The following NTM variants were observed in gnomAD, a reference collection of about 807,000 sequenced individuals.
NTM encodes neurotrimin.
NTM carries 13 observed loss-of-function variants against 42.1 expected under a neutral mutation model. The ratio of observed to expected loss-of-function variants is 0.31; its 90% CI spans 0.20 to 0.49. NTM has a LOEUF of 0.49. Ranked by LOEUF, NTM falls within the 20% of genes least tolerant of loss-of-function variation. The pLI, the probability that NTM is intolerant of heterozygous loss-of-function variation, is 0.99. For missense variants in NTM, 373 were observed against 452.8 expected (o/e 0.82, Z 1.60); for synonymous variants, 187 against 179.2 (o/e 1.04, Z -0.35).
intron 2 of NTM, among the ~76,000 whole-genome samples, chr11:132,132,539 T>C (rs563628610): frequency 1.1e-4 from 16 of 152,166 alleles, no homozygotes; most frequent in Non-Finnish European, 1.5e-4. Context: ...TGTATTTGGT[T>C]ACTTGGAAAA....
chr11:131,433,509 T>C lies in NTM; in HGVS notation c.82+62621T>C, dbSNP rs138099893. Among the ~76,000 whole-genome samples, 560 of 152,298 alleles carry C rather than the reference T, an allele frequency of 3.7e-3. 6 individuals carry two copies. Among genetic ancestry groups the C allele is most frequent in the African/African-American group, 0.012 (495 of 41,562 alleles). On this transcript the variant is annotated intron_variant, in intron 1 of 8. Transcript: ENST00000683400. ...ATTATGATTATCTTTAAATTTCTCT[T>C]GTGTTTTGGAAGAGTGTACTTTTCA...
At chr11:131,508,879 CT>C (rs2047862017) in intron 1 of NTM, among the ~76,000 whole-genome samples, 1 of 117,378 alleles carries the variant, frequency 8.5e-6, no homozygotes, top group African/African-American at 3.3e-5. Context: ...ACTCTGGGGA[CT>C]GTTGTGGGGT....
intron 1 of NTM, among the ~76,000 whole-genome samples, chr11:131,462,234 T>A (rs1310702214): frequency 6.6e-6 from 1 of 152,122 alleles, no homozygotes; most frequent in Non-Finnish European, 1.5e-5. Flanking sequence ...ACAGATCGGG[T>A]CTGGGGTTGT....
chr11:132,054,705 G>GAT (rs2079356413), intron 2 of NTM, among the ~76,000 whole-genome samples: 2 of 152,174 alleles, frequency 1.3e-5, no homozygotes, highest in Admixed American at 1.3e-4. Flanking sequence ...GGCAGCAGGG[G>GAT]ATATACTAAC....
chr11:132,094,017 G>A (rs1363383829), intron 2 of NTM, among the ~76,000 whole-genome samples: 3 of 152,136 alleles, frequency 2.0e-5, no homozygotes, highest in African/African-American at 4.8e-5. Flanking sequence ...AACAGAAAAC[G>A]GAAGTGAGAT....
chr11:131,794,473 C>T (rs756978226), intron 1 of NTM: 1 of 985,120 alleles, frequency 1.0e-6, no homozygotes, highest in Admixed American at 6.2e-5. Flanking sequence ...TCCTCCCCAC[C>T]CGCCGTTTAC....
intron 2 of NTM, among the ~76,000 whole-genome samples, chr11:132,038,226 G>A (rs966563087): frequency 1.3e-5 from 2 of 152,182 alleles, no homozygotes; most frequent in Non-Finnish European, 2.9e-5. Context: ...TTTCTCTAGG[G>A]GTAAAGGGTT....
At chr11:132,215,310 T>C (rs1400586170) in intron 4 of NTM, among the ~76,000 whole-genome samples, 1 of 152,226 alleles carries the variant, frequency 6.6e-6, no homozygotes, top group Admixed American at 6.5e-5. Context: ...ATGACTTCAT[T>C]GCATTTTTTC....
chr11:131,809,967 T>C (rs1262295895), intron 1 of NTM, among the ~76,000 whole-genome samples: 3 of 152,222 alleles, frequency 2.0e-5, no homozygotes, highest in African/African-American at 4.8e-5. Flanking sequence ...TTTATTGTCA[T>C]TGTGAACTTA....
intron 1 of NTM, among the ~76,000 whole-genome samples, chr11:131,526,630 A>G (rs1324499238): frequency 6.6e-6 from 1 of 152,196 alleles, no homozygotes; most frequent in Admixed American, 6.5e-5. Context: ...CCTGGAATGG[A>G]GAGATGAGGC....
At chr11:131,404,379 C>T (rs73022132) in intron 1 of NTM, among the ~76,000 whole-genome samples, 6,371 of 152,262 alleles carry the variant, frequency 0.042, 157 homozygotes, top group Middle Eastern at 0.16. Context: ...CCTGGCATCG[C>T]GCCGTCCTGG....
chr11:131,503,545 CA>C (rs1276033855), intron 1 of NTM, among the ~76,000 whole-genome samples: 2 of 128,374 alleles, frequency 1.6e-5, no homozygotes, highest in Non-Finnish European at 3.3e-5. Flanking sequence ...TTTTTTGAGA[CA>C]AGGTCTTACT....
At chr11:132,273,071 T>A (rs566659129) in intron 4 of NTM, among the ~76,000 whole-genome samples, 3 of 152,254 alleles carry the variant, frequency 2.0e-5, no homozygotes, top group African/African-American at 4.8e-5. Context: ...TTGAGGAAGT[T>A]TCCTGCTATT....
intron 1 of NTM, among the ~76,000 whole-genome samples, chr11:131,846,568 A>G (rs1002811775): frequency 3.3e-5 from 5 of 152,178 alleles, no homozygotes; most frequent in Non-Finnish European, 5.9e-5. Flanking sequence ...CTTTCCAAAT[A>G]TTTTAAAATT....
chr11:131,695,195 ATAGGCAC>A (rs1565436425), intron 1 of NTM, among the ~76,000 whole-genome samples: 3 of 124,858 alleles, frequency 2.4e-5, no homozygotes, highest in Admixed American at 9.9e-5. Context: ...CTGTGACGAG[ATAGGCAC>A]TGGGTTTGTA....
At chr11:132,197,228 C>T (rs1275907450) in intron 3 of NTM, among the ~76,000 whole-genome samples, 4 of 151,566 alleles carry the variant, frequency 2.6e-5, no homozygotes, top group Non-Finnish European at 4.4e-5. Context: ...GGTAGATCTG[C>T]TCAAGTACTG....
intron 4 of NTM, among the ~76,000 whole-genome samples, chr11:132,225,159 G>A (rs180730971): frequency 6.6e-6 from 1 of 152,206 alleles, no homozygotes; most frequent in Non-Finnish European, 1.5e-5. Context: ...TTATTGAGTA[G>A]CTAAAGCACA....
At chr11:131,442,887 A>G (rs1949739347) in intron 1 of NTM, among the ~76,000 whole-genome samples, 1 of 152,144 alleles carries the variant, frequency 6.6e-6, no homozygotes, top group South Asian at 2.1e-4. Context: ...TCATTGGTGG[A>G]CACTTAGGTT....
intron 1 of NTM, among the ~76,000 whole-genome samples, chr11:131,761,357 G>T (rs1471941320): frequency 6.6e-6 from 1 of 152,086 alleles, no homozygotes; most frequent in Non-Finnish European, 1.5e-5. Flanking sequence ...GGTTACAGAT[G>T]GAATGTTTTA....
Sources: allele counts gnomAD v4.1 joint callset (sites outside exome capture counted in the v4.1 genomes callset), GRCh38; gene constraint gnomAD v4.1.1; transcripts MANE v1.5; gene names NCBI Gene and HGNC (gene_info 2026-07-23, HGNC 2026-07-21).